KRT18: variants seen among roughly 807,000 people sequenced by gnomAD.
KRT18 encodes keratin, type I cytoskeletal 18.
In KRT18, 8 loss-of-function variants were observed where a neutral mutation model predicts 39.9. That is an observed-to-expected ratio of 0.20 (90% CI 0.12 to 0.36). KRT18 has a LOEUF of 0.36. KRT18 is among the 10% of genes least tolerant of loss of function. KRT18 has a pLI of 1.00. For missense variants in KRT18, 396 were observed against 565.7 expected (o/e 0.70, Z 3.04); for synonymous variants, 194 against 227.8 (o/e 0.85, Z 1.33).
At chr12:52,952,398 A>G (rs2120780821) in intron 6 of KRT18, 56 bp downstream of exon 6, 1 of 1,261,696 alleles carries the variant, frequency 7.9e-7, no homozygotes, top group East Asian at 2.5e-5. Context: ...CTTCTCCCCA[A>G]AGTCTGAGCT....
intron 1 of KRT18, 159 bp from the exon 2 acceptor site, chr12:52,950,169 G>C (rs1942454384): frequency 2.7e-6 from 2 of 743,776 alleles, no homozygotes; most frequent in East Asian, 2.4e-5. Flanking sequence ...GAGGGAATGG[G>C]GTGGGGCTAG....
At chr12:52,949,740 C>G (rs572637978) in intron 1 of KRT18, 150 bp downstream of exon 1, 1 of 752,218 alleles carries the variant, frequency 1.3e-6, no homozygotes, top group South Asian at 1.5e-5. Flanking sequence ...CGCACCTAGC[C>G]ACAGGGTCCC....
In KRT18 at chr12:52,949,163, C is replaced by T. The variant is rs376727372; in HGVS notation, c.-11C>T. ...AGCCTGAGTCCTGTCCTTTCTCTCT[C>T]CCCGGACAGCATGAGCTTCACCACT... On this transcript the variant is annotated 5_prime_UTR_variant, in exon 1 of 7. Coordinates refer to ENST00000388835, the MANE Select transcript of KRT18 (RefSeq NM_000224.3). 131 of 1,610,598 alleles carry T rather than the reference C, an allele frequency of 8.1e-5. No homozygotes were observed. The African/African-American group carries it at 1.5e-3, about 19-fold the overall frequency.
rs375823747 is a variant in KRT18, at chr12:52,950,901, G to A, written c.652G>A (p.Glu218Lys). The change falls in exon 3 of 7, where the codon GAA becomes AAA. Residue 218 changes from glutamate to lysine, a missense_variant. Glu to Lys is a moderately conservative substitution (Grantham distance 56, BLOSUM62 1). Coordinates refer to ENST00000388835, the MANE Select transcript of KRT18 (RefSeq NM_000224.3). Reference protein sequence around the residue: ...EELLFMKKNHEEEVKGLQAQI... With the variant: ...EELLFMKKNHKEEVKGLQAQI... Reference sequence around the variant, plus strand: ...GCTGCTCTTCATGAAGAAGAACCACGAAGAGGCAAGCAGGGGCCACTGGCC... The same window carrying A: ...GCTGCTCTTCATGAAGAAGAACCACAAAGAGGCAAGCAGGGGCCACTGGCC... 14 of 1,574,870 alleles carry A rather than the reference G, an allele frequency of 8.9e-6. No individual in the cohort carries two copies. The highest frequency in any genetic ancestry group is 2.3e-5 in the South Asian group (2 of 86,586).
intron 1 of KRT18, chr12:52,950,006 G>A (rs1368637129): frequency 2.1e-5 from 13 of 607,386 alleles, no homozygotes; most frequent in Non-Finnish European, 3.8e-5. Flanking sequence ...GGCCCAGAGT[G>A]ACCAGGTGCA....
chr12:52,950,183 A>G (rs1251702864), intron 1 of KRT18, 145 bp from the exon 2 acceptor site: 2 of 759,570 alleles, frequency 2.6e-6, no homozygotes, highest in East Asian at 4.9e-5. Flanking sequence ...GGGCTAGATG[A>G]AAAGGGATAG....
intron 3 of KRT18, 144 bp from the exon 4 acceptor site, chr12:52,951,337 C>G: frequency 1.2e-6 from 1 of 825,286 alleles, no homozygotes; most frequent in Non-Finnish European, 2.1e-6. Flanking sequence ...AAGGCCAGAA[C>G]TGGCATTGCC....
rs1429253751 is a variant in KRT18, at chr12:52,949,334, T to G, written c.161T>G (p.Phe54Cys). 6.2e-7 allele frequency: 1 copy of G among 1,608,218 alleles called. No homozygotes were observed. The highest frequency in any genetic ancestry group is 8.5e-7 in the Non-Finnish European group (1 of 1,179,084). Residue 54 changes from phenylalanine to cysteine, a missense_variant, in exon 1 of 7, where the codon TTC becomes TGC. Physicochemically the swap from Phe to Cys is radical, Grantham distance 205. Coordinates refer to ENST00000388835, the MANE Select transcript of KRT18 (RefSeq NM_000224.3). ...ATCTCCGTGTCCCGCTCCACCAGCT[T>G]CAGGGGCGGCATGGGGTCCGGGGGC... is the stretch of plus-strand genomic sequence containing the variant. Reference protein sequence around the residue: ...SRISVSRSTSFRGGMGSGGLA... With the variant: ...SRISVSRSTSCRGGMGSGGLA...
intron 3 of KRT18, 114 bp downstream of exon 3, chr12:52,951,020 C>A: frequency 2.0e-6 from 2 of 984,928 alleles, no homozygotes. Context: ...TTAGAAATAG[C>A]AGCCTGGGCT....
intron 1 of KRT18, 70 bp from the exon 2 acceptor site, chr12:52,950,258 T>G (rs1937135641): frequency 1.8e-6 from 2 of 1,134,534 alleles, no homozygotes; most frequent in Non-Finnish European, 2.7e-6. Context: ...ACATAACACT[T>G]TTTACACACT....
rs147945345 is a variant in KRT18 at position 52,949,529 on chromosome 12, A to G, written c.356A>G (p.Lys119Arg). The G allele has an allele frequency of 1.1e-4, 179 of 1,613,620 alleles. No individual in the cohort carries two copies. Among genetic ancestry groups the G allele is most frequent in the Non-Finnish European group, 1.5e-4 (174 of 1,180,042 alleles). The change falls in exon 1 of 7, where the codon AAG becomes AGG. Residue 119 changes from lysine to arginine, a missense_variant. Coordinates refer to ENST00000388835, the MANE Select transcript of KRT18 (RefSeq NM_000224.3). ...AAAATCCGGGAGCACTTGGAGAAGA[A>G]GGGACCCCAGGTCAGAGACTGGAGC... is the stretch of plus-strand genomic sequence containing the variant. ...ESKIREHLEK[K>R]GPQVRDWSHY...
chr12:52,949,607 A>G lies in KRT18; in HGVS notation c.417+17A>G. The G allele has an allele frequency of 2.5e-6, 4 of 1,606,568 alleles. No individual in the cohort carries two copies. Among genetic ancestry groups the G allele is most frequent in the East Asian group, 4.5e-5 (2 of 44,798 alleles). Reference sequence around the variant, plus strand: ...AGGGCTCAGGTAAGGGGTAGGAGGGACCTCAACTCCCAGCCTTGTCTGACC... The same window carrying G: ...AGGGCTCAGGTAAGGGGTAGGAGGGGCCTCAACTCCCAGCCTTGTCTGACC... On this transcript the variant is annotated intron_variant, in intron 1 of 6. Coordinates refer to ENST00000388835, the MANE Select transcript of KRT18 (RefSeq NM_000224.3).
At chr12:52,949,769 A>T (rs1942444719) in intron 1 of KRT18, 179 bp downstream of exon 1, 1 of 719,644 alleles carries the variant, frequency 1.4e-6, no homozygotes, top group Non-Finnish European at 2.6e-6. Context: ...GCAGCTAGGC[A>T]TGGGAGGGCT....
chr12:52,949,821 T>C (rs1438893180), intron 1 of KRT18: 20 of 704,944 alleles, frequency 2.8e-5, no homozygotes, highest in Non-Finnish European at 4.7e-5. Flanking sequence ...GTTGAGAGCT[T>C]TACAGAGGAA....
intron 6 of KRT18, 141 bp from the exon 7 acceptor site, chr12:52,952,581 G>C: frequency 3.0e-6 from 3 of 1,011,722 alleles, no homozygotes; most frequent in Non-Finnish European, 1.6e-6. Context: ...GTTTGGCCTT[G>C]AGTTTCCCTT....
chr12:52,949,345 A>T lies in KRT18; in HGVS notation c.172A>T (p.Met58Leu), dbSNP rs1942423865. The T allele has an allele frequency of 6.3e-7, 1 of 1,597,486 alleles. No homozygotes were observed. The highest frequency in any genetic ancestry group is 2.3e-5 in the East Asian group (1 of 44,346). ...VSRSTSFRGGMGSGGLATGIA... is the reference protein window; with the variant it reads ...VSRSTSFRGGLGSGGLATGIA... ...CCGCTCCACCAGCTTCAGGGGCGGC[A>T]TGGGGTCCGGGGGCCTGGCCACCGG... is the stretch of plus-strand genomic sequence containing the variant. Residue 58 changes from methionine (M) to leucine (L), a missense_variant, in exon 1 of 7, where the codon ATG (methionine) becomes TTG (leucine). By Grantham distance (15) the Met-to-Leu change is conservative (BLOSUM62 2). Transcript: ENST00000388835.
Position 52,949,185 on chromosome 12 carries a change from C to A in KRT18, c.12C>A (p.Thr4=), listed in dbSNP as rs769641289. The A allele has an allele frequency of 1.8e-5, 29 of 1,611,508 alleles. No homozygotes were observed. In the South Asian group the frequency reaches 3.0e-4, roughly 16 times the overall value. Residue 4 remains threonine, a synonymous_variant, in exon 1 of 7, where the codon ACC becomes ACA. Transcript: ENST00000388835. MSF[T]TRSTFSTNYR... is the part of the protein sequence containing the mutation. ...TCTCCCCGGACAGCATGAGCTTCAC[C>A]ACTCGCTCCACCTTCTCCACCAACT...
rs1381635123 is a variant in KRT18, at chr12:52,949,205, C to T, written c.32C>T (p.Thr11Ile). The T allele has an allele frequency of 1.2e-6, 2 of 1,611,802 alleles. No homozygotes were observed. The highest frequency in any genetic ancestry group is 4.5e-5 in the East Asian group (2 of 44,886). Residue 11 changes from threonine (T) to isoleucine (I), a missense_variant, in exon 1 of 7, where the codon ACC becomes ATC. Thr to Ile is a moderately conservative substitution (Grantham distance 89). Coordinates refer to ENST00000388835, the MANE Select transcript of KRT18 (RefSeq NM_000224.3). ...TTCACCACTCGCTCCACCTTCTCCA[C>T]CAACTACCGGTCCCTGGGCTCTGTC... is the stretch of plus-strand genomic sequence containing the variant. MSFTTRSTFS[T>I]NYRSLGSVQA... is the part of the protein sequence containing the mutation.
At chr12:52,950,960 G>C in intron 3 of KRT18, 54 bp downstream of exon 3, 1 of 1,519,172 alleles carries the variant, frequency 6.6e-7, no homozygotes, top group East Asian at 2.4e-5. Flanking sequence ...AGAAGTCTGG[G>C]TCGGAGAATA....
Sources: allele counts gnomAD v4.1 joint callset, GRCh38; gene constraint gnomAD v4.1.1; transcripts MANE v1.5; gene names NCBI Gene and HGNC (gene_info 2026-07-23, HGNC 2026-07-21).